Variants in CDKL5 observed in about 807,000 individuals in gnomAD.
CDKL5 encodes cyclin dependent kinase like 5, also known as cyclin-dependent kinase-like 5.
Under a neutral mutation model 61.7 loss-of-function variants are expected in CDKL5, and 8 were observed. That is an observed-to-expected ratio of 0.13 (90% CI 0.08 to 0.23). CDKL5 has a LOEUF of 0.23. Among genes scored for constraint, CDKL5 ranks in the 10% least tolerant of loss-of-function variants. The pLI is 1.00. For synonymous variants in CDKL5, 275 were observed against 272.3 expected, an observed-to-expected ratio of 1.01 and a Z score of -0.10; for missense variants, 440 against 734.5, an observed-to-expected ratio of 0.60 and a Z score of 4.63.
chrX:18,433,531 C>T (rs1305397462), intron 1 of CDKL5, among the ~76,000 whole-genome samples: 1 of 112,127 alleles, frequency 8.9e-6, no homozygotes, highest in Non-Finnish European at 1.9e-5. Flanking sequence ...GCCTGAGCAA[C>T]AAGAGCGAGA....
intron 1 of CDKL5, among the ~76,000 whole-genome samples, chrX:18,430,492 G>A (rs1177458154): frequency 8.9e-6 from 1 of 111,886 alleles, no homozygotes; most frequent in Non-Finnish European, 1.9e-5. Context: ...TGCCTAGGCT[G>A]GAGTGCAATG....
chrX:18,605,074 CAAGAA>C (rs1394974577), intron 12 of CDKL5, among the ~76,000 whole-genome samples: 1 of 110,038 alleles, frequency 9.1e-6, no homozygotes, highest in East Asian at 2.8e-4. Flanking sequence ...GTTGAGTACT[CAAGAA>C]AAGTCAAATT....
chrX:18,604,321 G>A lies in CDKL5; in HGVS notation c.1397G>A (p.Arg466Gln), dbSNP rs748907380. 4.1e-6 allele frequency: 5 copies of A among 1,208,697 alleles called. No homozygotes were observed. Among genetic ancestry groups the A allele is most frequent in the Non-Finnish European group, 5.6e-6 (5 of 894,413 alleles). The change falls in exon 12 of 18, where the codon CGG becomes CAG. Residue 466 changes from arginine (R) to glutamine (Q), a missense_variant. Physicochemically the swap from Arg to Gln is conservative, Grantham distance 43. Around this residue, in one of 2 missense-constraint regions of CDKL5, gnomAD observed 363 missense variants for 516.3 expected, o/e 0.70. Coordinates refer to ENST00000623535, the MANE Select transcript of CDKL5 (RefSeq NM_001323289.2). ...CTGCAGCCCAATGAAAAGCAGAGTCGGCATAGCTATATTGACACAATTCCC... is the reference window on the plus strand; with the variant it reads ...CTGCAGCCCAATGAAAAGCAGAGTCAGCATAGCTATATTGACACAATTCCC... Reference protein sequence around the residue: ...GTLQPNEKQSRHSYIDTIPQS... With the variant: ...GTLQPNEKQSQHSYIDTIPQS...
chrX:18,641,781 C>CTT, downstream of CDKL5: 1 of 416,564 alleles, frequency 2.4e-6, no homozygotes, highest in Non-Finnish European at 4.2e-6. Context: ...GGGACATTTT[C>CTT]TTTGTTCTGA....
chrX:18,635,390 C>G lies in CDKL5; in HGVS notation c.*6633C>G. 1.3e-6 allele frequency: 1 copy of G among 754,260 alleles called. No individual in the cohort carries two copies. The highest frequency in any genetic ancestry group is 2.3e-5 in the African/African-American group (1 of 43,810). 62.2% of individuals were successfully genotyped at this position (754,260 alleles called of 1,213,427 possible). A position where few individuals can be genotyped will look rare whatever the true frequency, so the allele number is the denominator to read the frequency against. On this transcript the variant is annotated 3_prime_UTR_variant, in exon 18 of 18. Coordinates refer to ENST00000623535, the MANE Select transcript of CDKL5 (RefSeq NM_001323289.2). ...TCTTTAATAAAATGCAGATTTTGCA[C>G]TGACTGATGTGACTGCCAGGCCGTC...
chrX:18,604,743 C>T lies in CDKL5; in HGVS notation c.1819C>T (p.Arg607Cys), dbSNP rs1347368640. 1.7e-6 allele frequency: 2 copies of T among 1,210,046 alleles called. No homozygotes were observed. The highest frequency in any genetic ancestry group is 2.2e-6 in the Non-Finnish European group (2 of 895,232). ...CACCAGCCCCTTTTCTTCCCAGCAA[C>T]GTCCTCATAGGCATTCTATGTATGT... Reference protein sequence around the residue: ...GYTSPFSSQQRPHRHSMYVTR... With the variant: ...GYTSPFSSQQCPHRHSMYVTR... Residue 607 changes from arginine to cysteine, a missense_variant, in exon 12 of 18, where the codon CGT becomes TGT. Coordinates refer to ENST00000623535, the MANE Select transcript of CDKL5 (RefSeq NM_001323289.2).
At chrX:18,569,084 CTT>C (rs1201892090) in intron 4 of CDKL5, among the ~76,000 whole-genome samples, 1 of 111,752 alleles carries the variant, frequency 8.9e-6, no homozygotes, top group African/African-American at 3.2e-5. Flanking sequence ...CTCTGAAAGA[CTT>C]TGACACCCTG....
In CDKL5 at chrX:18,537,481, G is replaced by A. The variant is rs143924982; in HGVS notation, c.99+26627G>A. ...TCGTAACTAGAAAATGGACATTGATGTATTTCCATTGACCTTATTCAGATT... is the reference window on the plus strand; with the variant it reads ...TCGTAACTAGAAAATGGACATTGATATATTTCCATTGACCTTATTCAGATT... On this transcript the variant is annotated intron_variant, in intron 3 of 17. Coordinates refer to ENST00000623535, the MANE Select transcript of CDKL5 (RefSeq NM_001323289.2). 5.7e-4 allele frequency among the ~76,000 whole-genome samples: 64 copies of A among 111,979 alleles called. No homozygotes were observed. In the East Asian group the frequency reaches 0.015, roughly 26 times the overall value.
rs141259174 is a variant in CDKL5, at chrX:18,473,642, C to T, written c.-162-33293C>T. 1.3e-4 allele frequency among the ~76,000 whole-genome samples: 14 copies of T among 109,428 alleles called. No individual in the cohort carries two copies. In the East Asian group the frequency reaches 3.5e-3, roughly 27 times the overall value. On this transcript the variant is annotated intron_variant, in intron 1 of 17. Transcript: ENST00000623535. ...TGAGAGTTGAGTTAGATATCTCAGA[C>T]TGTGATATGGACAGTGCTGGAACCA...
chrX:18,507,935 C>T (rs1248348168), intron 2 of CDKL5, among the ~76,000 whole-genome samples: 2 of 111,406 alleles, frequency 1.8e-5, no homozygotes. Context: ...AGCATTCTCC[C>T]TTTCCTAATA....
At chrX:18,467,882 T>G (rs1920977014) in intron 1 of CDKL5, among the ~76,000 whole-genome samples, 1 of 111,877 alleles carries the variant, frequency 8.9e-6, no homozygotes, top group African/African-American at 3.2e-5. Context: ...TTTTTTTGTC[T>G]TTCACTGCGG....
At chrX:18,614,618 A>G (rs1254015301) in intron 15 of CDKL5, among the ~76,000 whole-genome samples, 3 of 112,778 alleles carry the variant, frequency 2.7e-5, no homozygotes, top group Non-Finnish European at 5.6e-5. Flanking sequence ...TATCGTTGTC[A>G]TCTAACTTCA....
intron 3 of CDKL5, among the ~76,000 whole-genome samples, chrX:18,516,436 A>G (rs1227012594): frequency 1.8e-5 from 2 of 111,189 alleles, no homozygotes; most frequent in East Asian, 5.7e-4. Context: ...ATTGTAGAAC[A>G]GTGCCTGGAA....
intron 15 of CDKL5, among the ~76,000 whole-genome samples, chrX:18,617,846 A>G (rs1390087756): frequency 1.8e-5 from 2 of 110,849 alleles, no homozygotes; most frequent in African/African-American, 6.6e-5. Context: ...CTCTATCCCC[A>G]CCTGGGCTGT....
At chrX:18,489,770 C>T (rs1921925199) in intron 1 of CDKL5, among the ~76,000 whole-genome samples, 1 of 110,195 alleles carries the variant, frequency 9.1e-6, no homozygotes, top group Non-Finnish European at 1.9e-5. Flanking sequence ...CTGTAGGGGG[C>T]CAGGCGTGGT....
intron 3 of CDKL5, among the ~76,000 whole-genome samples, chrX:18,541,431 T>A (rs190631343): frequency 8.9e-6 from 1 of 112,701 alleles, no homozygotes; most frequent in African/African-American, 3.2e-5. Flanking sequence ...ACAGATTCTT[T>A]CCTCTGTTTT....
chrX:18,490,101 C>A (rs191092830), intron 1 of CDKL5, among the ~76,000 whole-genome samples: 147 of 111,566 alleles, frequency 1.3e-3, no homozygotes, highest in African/African-American at 4.5e-3. Context: ...GCACGGAAGG[C>A]CTGTGCTGGC....
chrX:18,563,607 G>C (rs1014197599), intron 3 of CDKL5, among the ~76,000 whole-genome samples: 4 of 111,618 alleles, frequency 3.6e-5, no homozygotes, highest in African/African-American at 1.3e-4. Flanking sequence ...TTGTTTTGAT[G>C]CAGGGACAAC....
At chrX:18,447,005 A>T (rs1931894917) in intron 1 of CDKL5, among the ~76,000 whole-genome samples, 2 of 111,319 alleles carry the variant, frequency 1.8e-5, no homozygotes, top group South Asian at 7.5e-4. Context: ...CTCATCAGTT[A>T]TTCCCCTTCA....
Sources: allele counts gnomAD v4.1 joint callset (sites outside exome capture counted in the v4.1 genomes callset), GRCh38; gene constraint gnomAD v4.1.1; regional missense constraint gnomAD v4.1.1; transcripts MANE v1.5; gene names NCBI Gene and HGNC (gene_info 2026-07-23, HGNC 2026-07-21).